NTF3: variants seen among roughly 807,000 people sequenced by gnomAD.
NTF3 encodes the protein neurotrophin 3, also known as neurotrophin-3.
Under a neutral mutation model 26.3 loss-of-function variants are expected in NTF3, and 8 were observed. The ratio of observed to expected loss-of-function variants is 0.30; its 90% CI spans 0.18 to 0.55. The LOEUF (loss-of-function observed/expected upper bound fraction) is 0.55. NTF3 is among the 20% of genes least tolerant of loss of function. NTF3 has a pLI of 0.93. For missense variants in NTF3, 276 were observed against 352.9 expected, an observed-to-expected ratio of 0.78 and a Z score of 1.75; for synonymous variants, 154 against 145.5, an observed-to-expected ratio of 1.06 and a Z score of -0.42.
intron 1 of NTF3, among the ~76,000 whole-genome samples, chr12:5,438,320 C>T (rs1485518015): frequency 6.6e-6 from 1 of 152,184 alleles, no homozygotes; most frequent in African/African-American, 2.4e-5. Flanking sequence ...TGCACACACC[C>T]CCACATGGTC....
At chr12:5,491,350 A>G (rs970643443) in intron 1 of NTF3, among the ~76,000 whole-genome samples, 5 of 152,208 alleles carry the variant, frequency 3.3e-5, no homozygotes, top group African/African-American at 1.2e-4. Context: ...ACAGCCTTCT[A>G]AAGAGTTTAG....
intron 1 of NTF3, among the ~76,000 whole-genome samples, chr12:5,471,451 T>G (rs1192800682): frequency 6.6e-6 from 1 of 152,186 alleles, no homozygotes; most frequent in Non-Finnish European, 1.5e-5. Flanking sequence ...GAACTGACAT[T>G]GCAAGAAGAT....
chr12:5,449,935 A>G (rs765011373), intron 1 of NTF3, among the ~76,000 whole-genome samples: 15 of 152,182 alleles, frequency 9.9e-5, no homozygotes, highest in Middle Eastern at 3.4e-3. Flanking sequence ...ATAAACCATG[A>G]CTTCTGGGAA....
chr12:5,478,839 A>G (rs973511487), intron 1 of NTF3, among the ~76,000 whole-genome samples: 1 of 152,208 alleles, frequency 6.6e-6, no homozygotes, highest in Non-Finnish European at 1.5e-5. Context: ...TCGGGTCCTC[A>G]TTGTCCCCTA....
At chr12:5,488,742 A>G (rs1171315256) in intron 1 of NTF3, among the ~76,000 whole-genome samples, 1 of 152,088 alleles carries the variant, frequency 6.6e-6, no homozygotes, top group African/African-American at 2.4e-5. Context: ...ATCTGGCAGG[A>G]TGTCTCCTGA....
chr12:5,458,139 G>A lies in NTF3; in HGVS notation c.18+25797G>A, dbSNP rs531079240. ...CATACCCCATGCACCAGCCATCCTG[G>A]GTTTTGCTGTTTTTGTTTCCCAGAA... is the stretch of plus-strand genomic sequence containing the variant. On this transcript the variant is annotated intron_variant, in intron 1 of 1. Transcript: ENST00000423158. 3.3e-5 allele frequency among the ~76,000 whole-genome samples: 5 copies of A among 152,148 alleles called. No homozygotes were observed. In the South Asian group the frequency reaches 1.0e-3, roughly 32 times the overall value.
chr12:5,454,570 T>C (rs1185634933), intron 1 of NTF3, among the ~76,000 whole-genome samples: 1 of 152,218 alleles, frequency 6.6e-6, no homozygotes, highest in Non-Finnish European at 1.5e-5. Flanking sequence ...TAACACATAG[T>C]CAGTTCTCTT....
chr12:5,445,555 T>G (rs1940295464), intron 1 of NTF3, among the ~76,000 whole-genome samples: 1 of 152,200 alleles, frequency 6.6e-6, no homozygotes, highest in Non-Finnish European at 1.5e-5. Flanking sequence ...AGAGGACCTC[T>G]AGTGTCTTTG....
At chr12:5,490,235 G>T (rs1940918146) in intron 1 of NTF3, among the ~76,000 whole-genome samples, 1 of 152,160 alleles carries the variant, frequency 6.6e-6, no homozygotes. Flanking sequence ...GCCCATGCAG[G>T]CTCTCCAGCC....
chr12:5,479,195 G>A (rs1940758740), intron 1 of NTF3, among the ~76,000 whole-genome samples: 1 of 152,218 alleles, frequency 6.6e-6, no homozygotes, highest in Non-Finnish European at 1.5e-5. Context: ...GCCGGAGAGA[G>A]GAGATAGCGG....
intron 1 of NTF3, among the ~76,000 whole-genome samples, chr12:5,477,564 C>T (rs1043032972): frequency 1.1e-4 from 16 of 152,048 alleles, no homozygotes; most frequent in Admixed American, 2.6e-4. Context: ...ACAGGATCTG[C>T]GTCATAGGGT....
chr12:5,434,945 C>T (rs1940148739), intron 1 of NTF3, among the ~76,000 whole-genome samples: 1 of 151,936 alleles, frequency 6.6e-6, no homozygotes, highest in African/African-American at 2.4e-5. Flanking sequence ...AGTGTGAGCT[C>T]AGATCCTCTT....
chr12:5,454,516 G>A (rs184493427), intron 1 of NTF3, among the ~76,000 whole-genome samples: 1 of 152,306 alleles, frequency 6.6e-6, no homozygotes, highest in East Asian at 1.9e-4. Flanking sequence ...TTGGGCACCT[G>A]TAACTCCTCC....
intron 1 of NTF3, among the ~76,000 whole-genome samples, chr12:5,457,021 T>C (rs1004832924): frequency 6.6e-6 from 1 of 152,214 alleles, no homozygotes; most frequent in African/African-American, 2.4e-5. Flanking sequence ...TGTGCCTGGG[T>C]TTGCTCACCC....
At chr12:5,477,494 T>C (rs1218380615) in intron 1 of NTF3, among the ~76,000 whole-genome samples, 1 of 152,234 alleles carries the variant, frequency 6.6e-6, no homozygotes, top group African/African-American at 2.4e-5. Flanking sequence ...TCATTGGATG[T>C]TCGCCCAGAT....
chr12:5,464,018 C>G (rs1940555672), intron 1 of NTF3, among the ~76,000 whole-genome samples: 1 of 152,174 alleles, frequency 6.6e-6, no homozygotes, highest in Admixed American at 6.5e-5. Flanking sequence ...GGGGCCAATT[C>G]TGGACTTGGC....
chr12:5,490,016 G>A (rs895715166), intron 1 of NTF3, among the ~76,000 whole-genome samples: 2 of 152,304 alleles, frequency 1.3e-5, no homozygotes, highest in South Asian at 2.1e-4. Flanking sequence ...GCACATGCAC[G>A]TCGGTCAGGA....
chr12:5,491,451 G>A (rs1940935066), intron 1 of NTF3, among the ~76,000 whole-genome samples: 1 of 152,210 alleles, frequency 6.6e-6, no homozygotes, highest in Non-Finnish European at 1.5e-5. Flanking sequence ...CACTGGGAGA[G>A]CAGGCTGAGG....
At chr12:5,432,602 C>CACACACACAG (rs1357864009) in intron 1 of NTF3, among the ~76,000 whole-genome samples, 6 of 132,536 alleles carry the variant, frequency 4.5e-5, no homozygotes, top group African/African-American at 1.7e-4. Context: ...CACACACACA[C>CACACACACAG]ACACAGACAC....
Sources: allele counts gnomAD v4.1 joint callset (sites outside exome capture counted in the v4.1 genomes callset), GRCh38; gene constraint gnomAD v4.1.1; transcripts MANE v1.5; gene names NCBI Gene and HGNC (gene_info 2026-07-23, HGNC 2026-07-21).